SYNPO2: variants seen among roughly 807,000 people sequenced by gnomAD.
SYNPO2 encodes the protein synaptopodin-2.
A neutral mutation model predicts 85.0 loss-of-function variants in SYNPO2; 56 were observed. The ratio of observed to expected loss-of-function variants is 0.66; its 90% CI spans 0.53 to 0.82. The LOEUF (loss-of-function observed/expected upper bound fraction) is 0.82, where lower values mean the gene tolerates loss of function less well. Among genes scored for constraint, SYNPO2 ranks in the 40% least tolerant of loss-of-function variants. The pLI, the probability that SYNPO2 is intolerant of heterozygous loss-of-function variation, is 0.00. For missense variants in SYNPO2, 1,575 were observed against 1,534.2 expected (o/e 1.03, Z -0.44); for synonymous variants, 602 against 591.1 (o/e 1.02, Z -0.27).
At chr4:118,894,009 T>C (rs1732460609) in intron 1 of SYNPO2, among the ~76,000 whole-genome samples, 1 of 150,682 alleles carries the variant, frequency 6.6e-6, no homozygotes, top group Non-Finnish European at 1.5e-5. Flanking sequence ...AAAAATAAAA[T>C]AAAACTTAAA....
chr4:118,903,941 C>A (rs1170655215), intron 1 of SYNPO2, among the ~76,000 whole-genome samples: 6 of 152,082 alleles, frequency 3.9e-5, no homozygotes, highest in Admixed American at 3.9e-4. Context: ...TGGTCTTGAT[C>A]TCCTGACCTC....
chr4:118,883,657 A>G (rs1298898220), intron 1 of SYNPO2, among the ~76,000 whole-genome samples: 1 of 152,086 alleles, frequency 6.6e-6, no homozygotes, highest in East Asian at 1.9e-4. Flanking sequence ...GTCCCAGAAG[A>G]CCATTGTCAA....
intron 1 of SYNPO2, among the ~76,000 whole-genome samples, chr4:119,022,742 GTTTTATTTTA>G (rs1262905133): frequency 1.2e-5 from 1 of 80,318 alleles, no homozygotes; most frequent in Non-Finnish European, 2.8e-5. Flanking sequence ...TTTATTTTAT[GTTTTATTTTA>G]TTTTATTTTA....
intron 4 of SYNPO2, among the ~76,000 whole-genome samples, chr4:119,045,788 C>A (rs1278843818): frequency 2.0e-5 from 3 of 151,898 alleles, no homozygotes; most frequent in African/African-American, 7.3e-5. Context: ...AACAGCAATC[C>A]CAACTACTTA....
chr4:118,986,364 T>C (rs2073052568), intron 1 of SYNPO2, among the ~76,000 whole-genome samples: 1 of 152,246 alleles, frequency 6.6e-6, no homozygotes, highest in Non-Finnish European at 1.5e-5. Flanking sequence ...TACTCTTTTA[T>C]GAGCCAGAGA....
At chr4:118,929,811 C>G (rs1044230583) in intron 1 of SYNPO2, among the ~76,000 whole-genome samples, 1 of 152,060 alleles carries the variant, frequency 6.6e-6, no homozygotes, top group Non-Finnish European at 1.5e-5. Flanking sequence ...TAATCAAAAC[C>G]TTCAATCAAC....
At chr4:118,852,210 GA>G (rs1399661970) in intron 1 of SYNPO2, among the ~76,000 whole-genome samples, 1 of 152,078 alleles carries the variant, frequency 6.6e-6, no homozygotes, top group African/African-American at 2.4e-5. Context: ...TTGTTAAAGA[GA>G]AAAAATAACA....
At chr4:118,856,504 G>C (rs564887452) in intron 1 of SYNPO2, among the ~76,000 whole-genome samples, 1 of 152,058 alleles carries the variant, frequency 6.6e-6, no homozygotes, top group East Asian at 1.9e-4. Flanking sequence ...GAATATATAT[G>C]CTATTTTATT....
chr4:119,008,117 G>C (rs1326577126), intron 1 of SYNPO2, among the ~76,000 whole-genome samples: 2 of 152,166 alleles, frequency 1.3e-5, no homozygotes, highest in African/African-American at 4.8e-5. Context: ...AGATTTCATA[G>C]ATTTCATAGT....
intron 1 of SYNPO2, among the ~76,000 whole-genome samples, chr4:118,947,045 T>G (rs1013866333): frequency 6.6e-6 from 1 of 152,200 alleles, no homozygotes; most frequent in Non-Finnish European, 1.5e-5. Flanking sequence ...CAAATCCTCT[T>G]CCTAATCTGC....
intron 1 of SYNPO2, among the ~76,000 whole-genome samples, chr4:118,915,052 T>C (rs528895797): frequency 1.8e-3 from 273 of 151,756 alleles, no homozygotes; most frequent in African/African-American, 6.4e-3. Context: ...GGTCACTGTC[T>C]GAAAGCCTTC....
At chr4:118,880,962 A>T (rs1257548668) in intron 1 of SYNPO2, among the ~76,000 whole-genome samples, 3 of 152,054 alleles carry the variant, frequency 2.0e-5, no homozygotes, top group Admixed American at 2.0e-4. Flanking sequence ...AATTAAAATG[A>T]GGTCTTTAGG....
intron 1 of SYNPO2, among the ~76,000 whole-genome samples, chr4:118,862,828 T>C (rs1247322388): frequency 1.3e-5 from 2 of 152,130 alleles, no homozygotes; most frequent in Non-Finnish European, 2.9e-5. Flanking sequence ...TTTGCTTTTT[T>C]GAAATGGAAT....
At chr4:118,968,303 C>G (rs529403198) in intron 1 of SYNPO2, among the ~76,000 whole-genome samples, 19 of 152,198 alleles carry the variant, frequency 1.2e-4, no homozygotes, top group South Asian at 4.1e-4. Context: ...ACCTCATGGG[C>G]TCCAGGCAAA....
rs553287857 is a variant in SYNPO2 at position 118,936,504 on chromosome 4, T to A, written c.105+47363T>A. Among the ~76,000 whole-genome samples the A allele has an allele frequency of 2.2e-4, 33 of 152,304 alleles. 1 individual carries two copies. The South Asian group carries it at 6.8e-3, about 32-fold the overall frequency. On this transcript the variant is annotated intron_variant, in intron 1 of 4. Transcript: ENST00000307142. The stretch of plus-strand genomic sequence containing the variant: ...TGAAAGAGAAAGAATTCCATCAAAA[T>A]GGCCGTGTTCAGATACTATTCGTAA...
chr4:119,043,065 T>TG (rs1738764706), intron 4 of SYNPO2: 2 of 135,694 alleles, frequency 1.5e-5, no homozygotes, highest in African/African-American at 5.5e-5. Context: ...TTGGTTGTTT[T>TG]TTTTCTTTTG....
intron 1 of SYNPO2, among the ~76,000 whole-genome samples, chr4:119,004,989 A>AT (rs1391920644): frequency 2.0e-5 from 3 of 151,962 alleles, no homozygotes; most frequent in Non-Finnish European, 2.9e-5. Flanking sequence ...GATGATGAGC[A>AT]TTTTTTCATG....
chr4:119,018,942 T>C (rs1156406475), intron 1 of SYNPO2, among the ~76,000 whole-genome samples: 1 of 152,180 alleles, frequency 6.6e-6, no homozygotes, highest in African/African-American at 2.4e-5. Context: ...GTATCCATAA[T>C]AATTTTAAAT....
chr4:118,982,826 A>G (rs533858154), intron 1 of SYNPO2, among the ~76,000 whole-genome samples: 101 of 152,296 alleles, frequency 6.6e-4, no homozygotes, highest in African/African-American at 2.4e-3. Flanking sequence ...AAAGAACACG[A>G]TAGTTCTTGA....
Sources: gnomAD v4.1 joint callset for allele counts (sites outside exome capture counted in the v4.1 genomes callset) on GRCh38, gnomAD v4.1.1 for gene constraint, MANE v1.5 for transcripts, NCBI Gene and HGNC (gene_info 2026-07-23, HGNC 2026-07-21) for gene names.